The following CSNK1D variants were observed in gnomAD, a reference collection of about 807,000 sequenced individuals.
CSNK1D encodes the protein casein kinase I isoform delta.
CSNK1D carries 16 observed loss-of-function variants against 46.6 expected under a neutral mutation model. That is an observed-to-expected ratio of 0.34 (90% confidence interval 0.23 to 0.52). The LOEUF (loss-of-function observed/expected upper bound fraction) is 0.52, where lower values mean the gene tolerates loss of function less well. CSNK1D is among the 20% of genes least tolerant of loss of function. The pLI, the probability that CSNK1D is intolerant of heterozygous loss-of-function variation, is 0.95. For synonymous variants in CSNK1D, 276 were observed against 228.2 expected (o/e 1.21, Z -1.89); for missense variants, 398 against 578.4 (o/e 0.69, Z 3.20).
chr17:82,241,180 G>A (rs1393420842), downstream of CSNK1D, among the ~76,000 whole-genome samples: 1 of 152,240 alleles, frequency 6.6e-6, no homozygotes, highest in East Asian at 1.9e-4. Flanking sequence ...ATCAGAGGGA[G>A]AAGGGAGGTG....
At chr17:82,270,963 C>CTCTGGAAT (rs1173338034) in intron 1 of CSNK1D, among the ~76,000 whole-genome samples, 2 of 152,206 alleles carry the variant, frequency 1.3e-5, no homozygotes, top group Non-Finnish European at 2.9e-5. Context: ...CACCCTCCAC[C>CTCTGGAAT]TCTGGAATTA....
Position 82,249,904 on chromosome 17 carries a change from C to T in CSNK1D, c.886-302G>A, listed in dbSNP as rs1408931977. On this transcript the variant is annotated intron_variant, in intron 6 of 8. Coordinates refer to ENST00000314028, the MANE Select transcript of CSNK1D (RefSeq NM_001893.6). This position sits in a 1 kb window ranked among gnomAD's most constrained non-coding sequence, Gnocchi z 6.7. ...AATGGGCAGCAGCTACCCCCTGCTG[C>T]TCTGTGAACATGCTCACTAACACGT... The T allele has an allele frequency of 2.2e-6, 3 of 1,357,190 alleles. No homozygotes were observed. In the African/African-American group the frequency reaches 4.4e-5, roughly 20 times the overall value. The allele number at this position is 1,357,190 out of a possible 1,614,324, so 84.1% of individuals were successfully genotyped here.
rs1261894509 is a variant in CSNK1D at position 82,243,021 on chromosome 17, C to T, written c.*1760G>A. 1 of 985,432 alleles carries T rather than the reference C, an allele frequency of 1.0e-6. No homozygotes were observed. Among genetic ancestry groups the T allele is most frequent in the Non-Finnish European group, 1.2e-6 (1 of 829,954 alleles). 61.0% of individuals were successfully genotyped at this position (985,432 alleles called of 1,614,324 possible). Reference sequence around the variant, plus strand: ...GGACGTCTACCTTCAAGAAGGGGTCCAGCAACAAAGAAAATCTCTTAACTC... The same window carrying T: ...GGACGTCTACCTTCAAGAAGGGGTCTAGCAACAAAGAAAATCTCTTAACTC... On this transcript the variant is annotated 3_prime_UTR_variant, in exon 9 of 9. Transcript: ENST00000314028.
In CSNK1D at chr17:82,249,464, G is replaced by A. The variant is rs906917946; in HGVS notation, c.1024C>T (p.Pro342Ser). Residue 342 changes from proline to serine, a missense_variant, in exon 7 of 9, where the codon CCC becomes TCC. Pro to Ser is a moderately conservative substitution (Grantham distance 74, BLOSUM62 -1). Around this residue, in one of 2 missense-constraint regions of CSNK1D, gnomAD observed 181 missense variants for 208.0 expected, o/e 0.87. Coordinates refer to ENST00000314028, the MANE Select transcript of CSNK1D (RefSeq NM_001893.6). This position sits in a 1 kb window ranked among gnomAD's most constrained non-coding sequence, Gnocchi z 6.7. ...GAGGTAGGGGTGAGGGGTGTGGGGG[G>A]AGCCACTTCCTGCGTCCCCCGCAGG... ...GRLRGTQEVAPPTPLTPTSHT... is the reference protein window; with the variant it reads ...GRLRGTQEVASPTPLTPTSHT... 5 of 1,540,606 alleles carry A rather than the reference G, an allele frequency of 3.2e-6. No homozygotes were observed. Among genetic ancestry groups the A allele is most frequent in the Non-Finnish European group, 4.4e-6 (5 of 1,146,580 alleles).
intron 3 of CSNK1D, chr17:82,253,943 G>A (rs76785504): frequency 8.5e-6 from 2 of 235,080 alleles, no homozygotes; most frequent in East Asian, 1.8e-4. Context: ...CCGGAGCCTC[G>A]AGAAGCCAGT....
chr17:82,252,516 A>T lies in CSNK1D; in HGVS notation c.654T>A (p.Ala218=), dbSNP rs1171610534. Residue 218 remains alanine, a synonymous_variant, in exon 5 of 9, where the codon GCT becomes GCA. Transcript: ENST00000314028. This position sits in a 1 kb window ranked among gnomAD's most constrained non-coding sequence, Gnocchi z 4.6. ...TTTCGTATTTCTGTCTCTTGGTGGCAGCCTTCAGCCCCTGCCAGGGGAGAG... is the reference window on the plus strand; with the variant it reads ...TTTCGTATTTCTGTCTCTTGGTGGCTGCCTTCAGCCCCTGCCAGGGGAGAG... The part of the protein sequence containing the change: ...LGSLPWQGLK[A]ATKRQKYERI... 6.2e-7 allele frequency: 1 copy of T among 1,613,986 alleles called. No homozygotes were observed. The highest frequency in any genetic ancestry group is 1.3e-5 in the African/African-American group (1 of 74,940).
At chr17:82,261,368 C>CT (rs1416709157) in intron 2 of CSNK1D, among the ~76,000 whole-genome samples, 1 of 152,140 alleles carries the variant, frequency 6.6e-6, no homozygotes, top group Non-Finnish European at 1.5e-5. Flanking sequence ...AGTCTCAACA[C>CT]TTTTCCCTCA....
intron 1 of CSNK1D, among the ~76,000 whole-genome samples, chr17:82,271,507 C>A (rs998607252): frequency 2.0e-5 from 3 of 152,252 alleles, no homozygotes; most frequent in Non-Finnish European, 4.4e-5. Context: ...TGACCAAGCA[C>A]TCTGACTTCC....
At chr17:82,239,974 CCTCAG>C, downstream of CSNK1D, 1 of 1,233,392 alleles carries the variant, frequency 8.1e-7, no homozygotes, top group Non-Finnish European at 1.0e-6. Context: ...CCGCCGGGGC[CCTCAG>C]TAGGTGCGTC....
chr17:82,244,674 T>A lies in CSNK1D; in HGVS notation c.*107A>T. 1.3e-6 allele frequency: 2 copies of A among 1,587,648 alleles called. No individual in the cohort carries two copies. Among genetic ancestry groups the A allele is most frequent in the Non-Finnish European group, 1.7e-6 (2 of 1,171,184 alleles). ...GGTGAGTGGCCTGGAGAGCTCCCGG[T>A]GTTAACATTTCGATCCTAGACCGGG... is the stretch of plus-strand genomic sequence containing the variant. On this transcript the variant is annotated 3_prime_UTR_variant, in exon 9 of 9. Transcript: ENST00000314028.
downstream of CSNK1D, among the ~76,000 whole-genome samples, chr17:82,240,525 TG>T (rs1187626942): frequency 6.6e-6 from 1 of 152,122 alleles, no homozygotes; most frequent in African/African-American, 2.4e-5. Context: ...AGGGAGGTCA[TG>T]GGCCGGGTGA....
In CSNK1D at chr17:82,255,009, C is replaced by T. The variant is rs1245056010; in HGVS notation, c.336+420G>A. 2 of 347,152 alleles carry T rather than the reference C, an allele frequency of 5.8e-6. No homozygotes were observed. Among genetic ancestry groups the T allele is most frequent in the East Asian group, 8.2e-5 (1 of 12,150 alleles). 21.5% of individuals were successfully genotyped at this position (347,152 alleles called of 1,614,324 possible). A position where few individuals can be genotyped will look rare whatever the true frequency, so the allele number is the denominator to read the frequency against. On this transcript the variant is annotated intron_variant, in intron 3 of 8. Transcript: ENST00000314028. The surrounding 1 kb of genome is among the most constrained non-coding windows in gnomAD (Gnocchi z 5.9). Reference sequence around the variant, plus strand: ...CCAGTCAGCTGAGCCGCCGGAGCCTCGAGAAGCCAGTGAGCTGAGCCGTCG... The same window carrying T: ...CCAGTCAGCTGAGCCGCCGGAGCCTTGAGAAGCCAGTGAGCTGAGCCGTCG...
Position 82,243,217 on chromosome 17 carries a change from G to A in CSNK1D, c.*1564C>T. The A allele has an allele frequency of 5.1e-6, 5 of 985,620 alleles. No homozygotes were observed. In the South Asian group the frequency reaches 1.9e-4, roughly 37 times the overall value. The allele number at this position is 985,620 out of a possible 1,614,324, so 61.1% of individuals were successfully genotyped here. ...GGGGGGGTGAACAACTGTGTTCTGG[G>A]ACGCCAGCCAGTTATGGCATCCGGG... is the stretch of plus-strand genomic sequence containing the variant. On this transcript the variant is annotated 3_prime_UTR_variant, in exon 9 of 9. Coordinates refer to ENST00000314028, the MANE Select transcript of CSNK1D (RefSeq NM_001893.6).
chr17:82,266,807 T>A (rs947756807), intron 1 of CSNK1D: 5 of 152,350 alleles, frequency 3.3e-5, no homozygotes, highest in Non-Finnish European at 7.3e-5. Flanking sequence ...ACGCCTGTAA[T>A]CCCAGCACTT....
At chr17:82,241,979 C>A (rs927698437), downstream of CSNK1D, among the ~76,000 whole-genome samples, 15 of 143,634 alleles carry the variant, frequency 1.0e-4, no homozygotes, top group East Asian at 3.2e-3. Flanking sequence ...TCACTACAAA[C>A]AAAAATATCC....
downstream of CSNK1D, chr17:82,240,109 C>T (rs1456174658): frequency 4.1e-6 from 5 of 1,213,776 alleles, no homozygotes; most frequent in Non-Finnish European, 3.1e-6. Flanking sequence ...GTCCAGCTGT[C>T]CCCATCTGCC....
Position 82,252,693 on chromosome 17 carries a change from G to A in CSNK1D, c.566-89C>T. On this transcript the variant is annotated intron_variant, in intron 4 of 8. Transcript: ENST00000314028. This position sits in a 1 kb window ranked among gnomAD's most constrained non-coding sequence, Gnocchi z 4.6. ...CGGCTGGCCGTTCCAGTGGAGACTAGCCTCAGACACACATGCCCAGATCAC... is the reference window on the plus strand; with the variant it reads ...CGGCTGGCCGTTCCAGTGGAGACTAACCTCAGACACACATGCCCAGATCAC... 2.2e-6 allele frequency: 3 copies of A among 1,336,392 alleles called. No individual in the cohort carries two copies. Among genetic ancestry groups the A allele is most frequent in the Non-Finnish European group, 3.1e-6 (3 of 960,126 alleles). The allele number at this position is 1,336,392 out of a possible 1,614,324, so 82.8% of individuals were successfully genotyped here. A position where few individuals can be genotyped will look rare whatever the true frequency, so the allele number is the denominator to read the frequency against.
At position 82,248,827 on chromosome 17, in the gene CSNK1D, G is replaced by T. The variant is rs1464927281; in HGVS notation, c.1197+48C>A. On this transcript the variant is annotated intron_variant, in intron 8 of 8. Transcript: ENST00000314028. The surrounding 1 kb of genome is among the most constrained non-coding windows in gnomAD (Gnocchi z 4.1). ...GAAACCACAGCCCGCTCTTGACTCGGACGGGGTAGCCCGAGGCCCAGCGCC... is the reference window on the plus strand; with the variant it reads ...GAAACCACAGCCCGCTCTTGACTCGTACGGGGTAGCCCGAGGCCCAGCGCC... 4 of 1,588,028 alleles carry T rather than the reference G, an allele frequency of 2.5e-6. No homozygotes were observed. Among genetic ancestry groups the T allele is most frequent in the Non-Finnish European group, 8.6e-7 (1 of 1,166,798 alleles).
intron 8 of CSNK1D, chr17:82,246,182 G>A (rs966522350): frequency 6.0e-5 from 93 of 1,537,330 alleles, no homozygotes; most frequent in Non-Finnish European, 7.9e-5. Flanking sequence ...CAGGCACAGA[G>A]CACAGCCTCA....
Sources: allele counts gnomAD v4.1 joint callset (sites outside exome capture counted in the v4.1 genomes callset), GRCh38; gene constraint gnomAD v4.1.1; regional missense constraint gnomAD v4.1.1; non-coding constraint Gnocchi (gnomAD v3.1); transcripts MANE v1.5; gene names NCBI Gene and HGNC (gene_info 2026-07-23, HGNC 2026-07-21).